The following CDIN1 variants were observed in gnomAD, a reference collection of about 807,000 sequenced individuals.
CDIN1 encodes the protein CDAN1-interacting nuclease 1.
Under a neutral mutation model 45.3 loss-of-function variants are expected in CDIN1, and 33 were observed. That is an observed-to-expected ratio of 0.73 (90% CI 0.55 to 0.97). The LOEUF (loss-of-function observed/expected upper bound fraction) is 0.97. Ranked by LOEUF, CDIN1 falls within the 50% of genes least tolerant of loss-of-function variation. The probability of loss-of-function intolerance (pLI) is 0.00; values close to 1 mark genes in which losing one functional copy is unlikely to be tolerated. For synonymous variants in CDIN1, 118 were observed against 124.4 expected (o/e 0.95, Z 0.34); for missense variants, 303 against 339.4 (o/e 0.89, Z 0.84).
chr15:36,769,346 A>G (rs1253911500), intron 10 of CDIN1, among the ~76,000 whole-genome samples: 1 of 152,162 alleles, frequency 6.6e-6, no homozygotes, highest in East Asian at 1.9e-4. Context: ...TATGTTCCTG[A>G]GTCCTAAATC....
At chr15:36,703,572 TA>T (rs1566915348) in intron 8 of CDIN1, among the ~76,000 whole-genome samples, 1 of 151,630 alleles carries the variant, frequency 6.6e-6, no homozygotes, top group Non-Finnish European at 1.5e-5. Flanking sequence ...GACAGCAGAA[TA>T]AAAAATCTCC....
chr15:36,667,628 T>C (rs546008950), intron 5 of CDIN1, among the ~76,000 whole-genome samples: 7 of 152,292 alleles, frequency 4.6e-5, no homozygotes, highest in African/African-American at 1.7e-4. Flanking sequence ...ATAAAACCAA[T>C]ATTACGTCAC....
At chr15:36,598,400 T>A (rs1048737600) in intron 1 of CDIN1, among the ~76,000 whole-genome samples, 1 of 152,236 alleles carries the variant, frequency 6.6e-6, no homozygotes, top group Non-Finnish European at 1.5e-5. Context: ...TATTCTTTCC[T>A]AAGGCAGTTG....
chr15:36,805,962 T>TAG (rs1160058559), intron 10 of CDIN1, among the ~76,000 whole-genome samples: 1 of 152,164 alleles, frequency 6.6e-6, no homozygotes, highest in East Asian at 1.9e-4. Flanking sequence ...CTTAATTAAT[T>TAG]AGAGACATAT....
chr15:36,732,479 G>T lies in CDIN1; in HGVS notation c.716+22518G>T, dbSNP rs557485756. Among the ~76,000 whole-genome samples, 182 of 152,112 alleles carry T rather than the reference G, an allele frequency of 1.2e-3. 2 individuals carry two copies. The highest frequency in any genetic ancestry group is 4.0e-3 in the African/African-American group (168 of 41,526). On this transcript the variant is annotated intron_variant, in intron 10 of 10. Coordinates refer to ENST00000566621, the MANE Select transcript of CDIN1 (RefSeq NM_001321759.2). ...ACCTAGAAATTATTAATTTTCTTAG[G>T]CATGACAATGCCATTGTGGCATTAT...
chr15:36,760,830 A>G (rs7170696), intron 10 of CDIN1, among the ~76,000 whole-genome samples: 23,492 of 152,144 alleles, frequency 0.15, 2,113 homozygotes, highest in African/African-American at 0.24. Flanking sequence ...AGTCAAAGGG[A>G]TCACAGAGTT....
chr15:36,587,534 G>T (rs1352431096), intron 1 of CDIN1, among the ~76,000 whole-genome samples: 2 of 152,030 alleles, frequency 1.3e-5, no homozygotes, highest in Admixed American at 6.6e-5. Context: ...AAACTTGCTT[G>T]GGACAAGCAC....
intron 10 of CDIN1, among the ~76,000 whole-genome samples, chr15:36,754,104 G>T (rs1171230223): frequency 6.6e-6 from 1 of 152,116 alleles, no homozygotes; most frequent in African/African-American, 2.4e-5. Flanking sequence ...TTATGCGTGG[G>T]TATGCATGTG....
chr15:36,586,909 T>C (rs139754653), intron 1 of CDIN1, among the ~76,000 whole-genome samples: 1 of 152,246 alleles, frequency 6.6e-6, no homozygotes, highest in Non-Finnish European at 1.5e-5. Flanking sequence ...AAAGGATTCG[T>C]TGAATAGTTA....
intron 1 of CDIN1, among the ~76,000 whole-genome samples, chr15:36,580,938 G>T (rs2037012566): frequency 6.6e-6 from 1 of 152,168 alleles, no homozygotes; most frequent in Non-Finnish European, 1.5e-5. Context: ...TTGGATAATA[G>T]GTATCAAAGT....
intron 10 of CDIN1, among the ~76,000 whole-genome samples, chr15:36,790,770 C>T (rs554820266): frequency 6.6e-6 from 1 of 152,304 alleles, no homozygotes; most frequent in South Asian, 2.1e-4. Context: ...GGAGAAAAAA[C>T]ATAAAGCATG....
intron 10 of CDIN1, among the ~76,000 whole-genome samples, chr15:36,762,139 C>T (rs1355928452): frequency 6.7e-6 from 1 of 148,426 alleles, no homozygotes; most frequent in Non-Finnish European, 1.5e-5. Context: ...TTAGGATTCA[C>T]TGGGCAAGCT....
intron 10 of CDIN1, among the ~76,000 whole-genome samples, chr15:36,756,309 T>C (rs1339331486): frequency 6.6e-6 from 1 of 152,202 alleles, no homozygotes; most frequent in African/African-American, 2.4e-5. Flanking sequence ...CTAATTTCAG[T>C]GTGGAGATTA....
chr15:36,650,504 G>A (rs938939669), intron 3 of CDIN1, among the ~76,000 whole-genome samples: 1 of 151,702 alleles, frequency 6.6e-6, no homozygotes, highest in Admixed American at 6.6e-5. Context: ...GTGCAGTGGT[G>A]CAATCTTGGC....
At chr15:36,693,725 T>C (rs137917309) in intron 7 of CDIN1, among the ~76,000 whole-genome samples, 156 of 152,288 alleles carry the variant, frequency 1.0e-3, no homozygotes, top group African/African-American at 3.7e-3. Context: ...GGAAACTAGA[T>C]TGCTGTATTG....
intron 1 of CDIN1, chr15:36,613,460 T>C: frequency 6.5e-7 from 1 of 1,544,648 alleles, no homozygotes; most frequent in Admixed American, 1.7e-5. Flanking sequence ...GAGCAGTAGC[T>C]AGGTGGGCAC....
At chr15:36,736,530 A>G (rs1385504973) in intron 10 of CDIN1, among the ~76,000 whole-genome samples, 2 of 152,044 alleles carry the variant, frequency 1.3e-5, no homozygotes, top group Admixed American at 1.3e-4. Context: ...CCTGCATCCT[A>G]CTCAATTGCA....
intron 10 of CDIN1, among the ~76,000 whole-genome samples, chr15:36,741,928 T>C (rs182537667): frequency 6.6e-6 from 1 of 152,292 alleles, no homozygotes; most frequent in East Asian, 1.9e-4. Flanking sequence ...AAGAACTTTG[T>C]GGAGTAAAAC....
In CDIN1 at chr15:36,581,411, G is replaced by A. The variant is rs564667383; in HGVS notation, c.101+1450G>A. 9.2e-5 allele frequency among the ~76,000 whole-genome samples: 14 copies of A among 152,134 alleles called. No individual in the cohort carries two copies. In the South Asian group the frequency reaches 1.5e-3, roughly 16 times the overall value. Reference sequence around the variant, plus strand: ...GTTACTTTAATCAACACTTACAAAAGCCTCCCTTCTGTCTGGTGTATTCTC... The same window carrying A: ...GTTACTTTAATCAACACTTACAAAAACCTCCCTTCTGTCTGGTGTATTCTC... On this transcript the variant is annotated intron_variant, in intron 1 of 10. Transcript: ENST00000566621.
Sources: gnomAD v4.1 joint callset for allele counts (sites outside exome capture counted in the v4.1 genomes callset) on GRCh38, gnomAD v4.1.1 for gene constraint, MANE v1.5 for transcripts, NCBI Gene and HGNC (gene_info 2026-07-23, HGNC 2026-07-21) for gene names.